VPS13B: variants seen among roughly 807,000 people sequenced by gnomAD.
VPS13B encodes intermembrane lipid transfer protein VPS13B.
VPS13B carries 285 observed loss-of-function variants against 426.4 expected under a neutral mutation model. The ratio of observed to expected loss-of-function variants is 0.67; its 90% confidence interval spans 0.61 to 0.74. The LOEUF is 0.74. Ranked by LOEUF, VPS13B falls within the 30% of genes least tolerant of loss-of-function variation. VPS13B has a pLI of 0.00. For missense variants in VPS13B, 4,537 were observed against 4,782.6 expected (o/e 0.95, Z 1.51); for synonymous variants, 1,676 against 1,676.4 (o/e 1.00, Z 0.01).
chr8:99,536,528 G>A, intron 30 of VPS13B: 1 of 381,096 alleles, frequency 2.6e-6, no homozygotes, highest in Non-Finnish European at 5.3e-6. Context: ...AGTGAAAAAT[G>A]TCATATACAT....
At chr8:99,290,796 C>T (rs1183346982) in intron 19 of VPS13B, among the ~76,000 whole-genome samples, 1 of 151,904 alleles carries the variant, frequency 6.6e-6, no homozygotes, top group Non-Finnish European at 1.5e-5. Flanking sequence ...TAAGATGAGT[C>T]CTTAATTAAG....
intron 25 of VPS13B, among the ~76,000 whole-genome samples, chr8:99,492,544 C>G (rs1820669417): frequency 6.6e-6 from 1 of 152,186 alleles, no homozygotes; most frequent in South Asian, 2.1e-4. Flanking sequence ...TTCCCTGTCA[C>G]TTAGTTTACT....
At chr8:99,026,190 TGTA>T (rs1842128663) in intron 2 of VPS13B, among the ~76,000 whole-genome samples, 1 of 152,224 alleles carries the variant, frequency 6.6e-6, no homozygotes, top group Non-Finnish European at 1.5e-5. Flanking sequence ...TTTGCTATGT[TGTA>T]TTTCTATTTT....
At position 99,765,884 on chromosome 8, in the gene VPS13B, T is replaced by C. The variant is rs193248853; in HGVS notation, c.7051-890T>C. ...CTACCCTATTATAACATTTTAAAAA[T>C]ATTAACATGTTTCTTCTCTTACACT... On this transcript the variant is annotated intron_variant, in intron 39 of 61. Coordinates refer to ENST00000357162, the MANE Select transcript of VPS13B (RefSeq NM_152564.5). Among the ~76,000 whole-genome samples the C allele has an allele frequency of 2.6e-5, 4 of 152,242 alleles. No homozygotes were observed. In the East Asian group the frequency reaches 7.7e-4, roughly 29 times the overall value.
intron 29 of VPS13B, among the ~76,000 whole-genome samples, chr8:99,515,361 AGCTGCTGCTGCTGCTGCT>A (rs576737553): frequency 6.7e-6 from 1 of 150,052 alleles, no homozygotes; most frequent in African/African-American, 2.5e-5. Flanking sequence ...TTATTTTTAA[AGCTGCTGCTGCTGCTGCT>A]GCTGCTGCTG....
intron 19 of VPS13B, among the ~76,000 whole-genome samples, chr8:99,381,422 G>A (rs528524736): frequency 7.9e-5 from 12 of 152,286 alleles, no homozygotes; most frequent in Non-Finnish European, 1.5e-4. Flanking sequence ...TATATACCTT[G>A]TAATGGGGTG....
intron 39 of VPS13B, among the ~76,000 whole-genome samples, chr8:99,750,549 A>T (rs1467339170): frequency 1.3e-5 from 2 of 152,142 alleles, no homozygotes; most frequent in Non-Finnish European, 2.9e-5. Flanking sequence ...TAAAGCCCAT[A>T]GTCTGGGCTT....
At chr8:99,568,447 C>T (rs1034055047) in intron 31 of VPS13B, among the ~76,000 whole-genome samples, 2 of 151,902 alleles carry the variant, frequency 1.3e-5, no homozygotes, top group Admixed American at 1.3e-4. Context: ...CACGCCACCA[C>T]GCCTGGCTAA....
chr8:99,059,878 G>A (rs1844084720), intron 3 of VPS13B, among the ~76,000 whole-genome samples: 1 of 151,676 alleles, frequency 6.6e-6, no homozygotes. Flanking sequence ...GATTACAGGT[G>A]TGCGCCATTA....
rs1046610585 is a variant in VPS13B at position 99,849,075 on chromosome 8, C to A, written c.10061+181C>A. ...ATCCCTTCAATAGGTAGCAATAAAC[C>A]GTCTTTCCTAGATACCACTTGCACT... is the stretch of plus-strand genomic sequence containing the variant. On this transcript the variant is annotated intron_variant, in intron 55 of 61. Coordinates refer to ENST00000357162, the MANE Select transcript of VPS13B (RefSeq NM_152564.5). Among the ~76,000 whole-genome samples, 7 of 152,034 alleles carry A rather than the reference C, an allele frequency of 4.6e-5. 1 individual carries two copies. The highest frequency in any genetic ancestry group is 4.6e-4 in the Admixed American group (7 of 15,268).
chr8:99,784,566 T>G (rs1812169397), intron 43 of VPS13B, 90 bp downstream of exon 43: 1 of 1,563,026 alleles, frequency 6.4e-7, no homozygotes, highest in Non-Finnish European at 8.8e-7. Context: ...TATTTCCCTT[T>G]TTAAGTCTCC....
chr8:99,104,319 T>G (rs1846925207), intron 5 of VPS13B, among the ~76,000 whole-genome samples: 1 of 152,200 alleles, frequency 6.6e-6, no homozygotes, highest in Non-Finnish European at 1.5e-5. Flanking sequence ...AGTCTGTTGT[T>G]GACTTAGGTA....
At position 99,192,893 on chromosome 8, in the gene VPS13B, T is replaced by C. The variant is rs2132728017; in HGVS notation, c.2351T>C (p.Ile784Thr). The C allele has an allele frequency of 1.2e-6, 2 of 1,613,200 alleles. No individual in the cohort carries two copies. The stretch of plus-strand genomic sequence containing the variant: ...TTGTGCAGGACCAAAAGATCTCAGA[T>C]TGCTATAACTGAAGGTATATTTGAA... ...LPTCWTKRSQ[I>T]AITEGIFELP... is the part of the protein sequence containing the mutation. Residue 784 changes from isoleucine to threonine, a missense_variant, in exon 17 of 62, where the codon ATT becomes ACT. Coordinates refer to ENST00000357162, the MANE Select transcript of VPS13B (RefSeq NM_152564.5).
rs1811766011 is a variant in VPS13B at position 99,776,885 on chromosome 8, C to T, written c.7358C>T (p.Ser2453Phe). 1.2e-6 allele frequency: 2 copies of T among 1,613,960 alleles called. No homozygotes were observed. Among genetic ancestry groups the T allele is most frequent in the African/African-American group, 2.7e-5 (2 of 74,928 alleles). Residue 2453 changes from serine to phenylalanine, a missense_variant, in exon 41 of 62, where the codon TCC becomes TTC. Coordinates refer to ENST00000357162, the MANE Select transcript of VPS13B (RefSeq NM_152564.5). The part of the protein sequence containing the change: ...DSCFTPWFVP[S>F]LCVSFQFAHL... ...TGCTTTACCCCATGGTTTGTCCCAT[C>T]CCTTTGCGTTTCTTTCCAGTTTGCT...
At position 99,423,248 on chromosome 8, in the gene VPS13B, A is replaced by C. The variant is rs1333471994; in HGVS notation, c.3083-8289A>C. Reference sequence around the variant, plus strand: ...TCTTAGAAATCGGATTATTTTATAGAAAAAGTATGTGTGAATTTTTTTTTT... The same window carrying C: ...TCTTAGAAATCGGATTATTTTATAGCAAAAGTATGTGTGAATTTTTTTTTT... On this transcript the variant is annotated intron_variant, in intron 21 of 61. Coordinates refer to ENST00000357162, the MANE Select transcript of VPS13B (RefSeq NM_152564.5). Among the ~76,000 whole-genome samples, 31 of 151,854 alleles carry C rather than the reference A, an allele frequency of 2.0e-4. No homozygotes were observed. The Admixed American group carries it at 2.0e-3, about 10-fold the overall frequency.
At chr8:99,175,364 A>G (rs1285715944) in intron 16 of VPS13B, among the ~76,000 whole-genome samples, 2 of 152,228 alleles carry the variant, frequency 1.3e-5, no homozygotes, top group African/African-American at 4.8e-5. Context: ...CAGATGAACC[A>G]TTTAGCCTAG....
At chr8:99,397,484 T>C (rs1022613411) in intron 21 of VPS13B, among the ~76,000 whole-genome samples, 1 of 152,170 alleles carries the variant, frequency 6.6e-6, no homozygotes, top group African/African-American at 2.4e-5. Context: ...CTGACCTCAT[T>C]TCAAGGTGTA....
At chr8:99,089,647 G>T (rs1479492486) in intron 3 of VPS13B, among the ~76,000 whole-genome samples, 1 of 152,144 alleles carries the variant, frequency 6.6e-6, no homozygotes, top group Non-Finnish European at 1.5e-5. Flanking sequence ...AGGGATTGTG[G>T]AGAACAAAGT....
At position 99,111,099 on chromosome 8, in the gene VPS13B, A is replaced by G. The variant is rs1300162583; in HGVS notation, c.582A>G (p.Ala194=). The change falls in exon 6 of 62, where the codon GCA becomes GCG. Residue 194 remains alanine, a splice_region_variant and synonymous_variant. Coordinates refer to ENST00000357162, the MANE Select transcript of VPS13B (RefSeq NM_152564.5). ...TAAAATGTTTTTTTTTCTTTTTAGC[A>G]ACTGATTTGGTGCTGAGAAAGGTTA... ...LWDRAFMDIS[A]TDLVLRKVIN... The G allele has an allele frequency of 6.3e-7, 1 of 1,597,870 alleles. No homozygotes were observed. The highest frequency in any genetic ancestry group is 1.2e-5 in the South Asian group (1 of 86,796).
Sources: gnomAD v4.1 joint callset for allele counts (sites outside exome capture counted in the v4.1 genomes callset) on GRCh38, gnomAD v4.1.1 for gene constraint, MANE v1.5 for transcripts, NCBI Gene and HGNC (gene_info 2026-07-23, HGNC 2026-07-21) for gene names.